The following STK3 variants were observed in gnomAD, a reference collection of about 807,000 sequenced individuals.
STK3 encodes serine/threonine-protein kinase 3.
A neutral mutation model predicts 58.0 loss-of-function variants in STK3; 41 were observed. The ratio of observed to expected loss-of-function variants is 0.71; its 90% CI spans 0.55 to 0.92. STK3 has a LOEUF of 0.92. Among genes scored for constraint, STK3 ranks in the 40% least tolerant of loss-of-function variants. The probability of loss-of-function intolerance (pLI) is 0.00; values close to 1 mark genes in which losing one functional copy is unlikely to be tolerated. For synonymous variants in STK3, 170 were observed against 191.0 expected, an observed-to-expected ratio of 0.89 and a Z score of 0.91; for missense variants, 479 against 602.7, an observed-to-expected ratio of 0.79 and a Z score of 2.15.
At chr8:98,554,409 T>A (rs1811443352) in intron 8 of STK3, among the ~76,000 whole-genome samples, 1 of 152,228 alleles carries the variant, frequency 6.6e-6, no homozygotes, top group Admixed American at 6.5e-5. Context: ...ACATAACATC[T>A]GATTGGTATA....
At chr8:98,842,245 T>C (rs1200761200) in intron 3 of STK3, among the ~76,000 whole-genome samples, 1 of 152,158 alleles carries the variant, frequency 6.6e-6, no homozygotes, top group Non-Finnish European at 1.5e-5. Context: ...TTTTTTAAAG[T>C]CTCAAAAGGA....
At chr8:98,454,045 G>C (rs1183374446), downstream of STK3, among the ~76,000 whole-genome samples, 1 of 151,846 alleles carries the variant, frequency 6.6e-6, no homozygotes, top group South Asian at 2.1e-4. Flanking sequence ...CTTATAATTT[G>C]TATCCAATTA....
At chr8:98,845,514 T>C (rs776865259) in intron 3 of STK3, among the ~76,000 whole-genome samples, 11 of 152,224 alleles carry the variant, frequency 7.2e-5, no homozygotes. Context: ...TATTGTTTTA[T>C]GGTATTTGGT....
At chr8:98,489,548 C>T (rs995566668) in intron 10 of STK3, among the ~76,000 whole-genome samples, 1 of 152,110 alleles carries the variant, frequency 6.6e-6, no homozygotes, top group South Asian at 2.1e-4. Flanking sequence ...TCCCACGTAT[C>T]AAGATTATGT....
Position 98,428,335 on chromosome 8 carries a change from G to A in STK3, n.483+5792C>T, listed in dbSNP as rs1818272984. 6.2e-7 allele frequency: 1 copy of A among 1,614,156 alleles called. No individual in the cohort carries two copies. Among genetic ancestry groups the A allele is most frequent in the East Asian group, 2.2e-5 (1 of 44,870 alleles). ...AACGAGTTCTTCATTGACTCCTGCTGCAGCTACAGCTACCATGGCCGCAAA... is the reference window on the plus strand; with the variant it reads ...AACGAGTTCTTCATTGACTCCTGCTACAGCTACAGCTACCATGGCCGCAAA... On this transcript the variant is annotated intron_variant and non_coding_transcript_variant, in intron 3 of 3. Coordinates refer to the STK3 transcript ENST00000517832. The surrounding 1 kb of genome is among the most constrained non-coding windows in gnomAD (Gnocchi z 6.7).
At chr8:98,763,428 G>C (rs1027058256) in intron 3 of STK3, among the ~76,000 whole-genome samples, 2 of 152,042 alleles carry the variant, frequency 1.3e-5, no homozygotes, top group Non-Finnish European at 2.9e-5. Context: ...ATAGAGTATA[G>C]AAAACAAGAC....
chr8:98,399,345 A>G (rs933965377), downstream of STK3, among the ~76,000 whole-genome samples: 3 of 152,264 alleles, frequency 2.0e-5, no homozygotes, highest in Admixed American at 2.0e-4. Flanking sequence ...CCGGGCTACA[A>G]GCGAGCTTCA....
chr8:98,819,993 C>T (rs1200480180), intron 1 of STK3, among the ~76,000 whole-genome samples: 1 of 152,118 alleles, frequency 6.6e-6, no homozygotes, highest in Non-Finnish European at 1.5e-5. Context: ...GCTACAGATG[C>T]TACAAGTTGA....
chr8:98,383,264 T>G (rs1234677599), intron 1 of STK3, among the ~76,000 whole-genome samples: 15 of 152,184 alleles, frequency 9.9e-5, no homozygotes, highest in Non-Finnish European at 2.2e-4. Context: ...AGAGGTCAAA[T>G]AACTTGCCCA....
intron 6 of STK3, among the ~76,000 whole-genome samples, chr8:98,676,986 C>T (rs1823263820): frequency 6.6e-6 from 1 of 152,220 alleles, no homozygotes; most frequent in Non-Finnish European, 1.5e-5. Context: ...TTTCAACCCA[C>T]TGGCCCTGCC....
chr8:98,794,286 G>C (rs1377442940), intron 1 of STK3, among the ~76,000 whole-genome samples: 1 of 151,866 alleles, frequency 6.6e-6, no homozygotes, highest in Non-Finnish European at 1.5e-5. Flanking sequence ...ATTAACAAAA[G>C]AAAAAAGAGA....
At chr8:98,802,622 T>G (rs762781607) in intron 1 of STK3, among the ~76,000 whole-genome samples, 6 of 152,212 alleles carry the variant, frequency 3.9e-5, no homozygotes, top group Non-Finnish European at 8.8e-5. Context: ...TTAAATCTAA[T>G]TAAATTGTTC....
intron 6 of STK3, among the ~76,000 whole-genome samples, chr8:98,669,869 T>C (rs1414370835): frequency 6.6e-6 from 1 of 152,218 alleles, no homozygotes; most frequent in African/African-American, 2.4e-5. Context: ...AAAGATCCCT[T>C]TCAAACGATA....
chr8:98,806,095 G>C (rs545717404), intron 1 of STK3, among the ~76,000 whole-genome samples: 1 of 152,198 alleles, frequency 6.6e-6, no homozygotes, highest in South Asian at 2.1e-4. Flanking sequence ...TATCACTAGA[G>C]CTAGAATATG....
the STK3 span, among the ~76,000 whole-genome samples, chr8:98,353,054 C>T: frequency 6.6e-6 from 1 of 152,188 alleles, no homozygotes; most frequent in Non-Finnish European, 1.5e-5. Context: ...CACTGATTGT[C>T]CATATGGATG....
chr8:98,623,099 G>C (rs1226591136), intron 6 of STK3, among the ~76,000 whole-genome samples: 2 of 152,122 alleles, frequency 1.3e-5, no homozygotes, highest in East Asian at 3.8e-4. Context: ...TAGAGGTTGA[G>C]AGATTGGACT....
At chr8:98,574,739 C>T (rs1017816386) in intron 8 of STK3, among the ~76,000 whole-genome samples, 2 of 152,126 alleles carry the variant, frequency 1.3e-5, no homozygotes, top group African/African-American at 4.8e-5. Context: ...GCTGAGAAAA[C>T]TATCTAGCTC....
upstream of STK3, among the ~76,000 whole-genome samples, chr8:98,826,397 TC>T (rs1322425833): frequency 1.3e-5 from 2 of 152,230 alleles, no homozygotes; most frequent in African/African-American, 4.8e-5. Context: ...TCGCTACATT[TC>T]ACAATAATTA....
intron 8 of STK3, among the ~76,000 whole-genome samples, chr8:98,550,197 G>A (rs538722440): frequency 2.4e-4 from 36 of 152,152 alleles, no homozygotes; most frequent in African/African-American, 8.4e-4. Flanking sequence ...AACAACAGTT[G>A]GACAGCTGTT....
Sources: allele counts gnomAD v4.1 joint callset (sites outside exome capture counted in the v4.1 genomes callset), GRCh38; gene constraint gnomAD v4.1.1; non-coding constraint Gnocchi (gnomAD v3.1); transcripts MANE v1.5; gene names NCBI Gene and HGNC (gene_info 2026-07-23, HGNC 2026-07-21).